PPIH: variants seen among roughly 807,000 people sequenced by gnomAD.
PPIH encodes the protein peptidyl-prolyl cis-trans isomerase H.
A neutral mutation model predicts 27.6 loss-of-function variants in PPIH; 16 were observed. The observed-to-expected ratio is 0.58, with a 90% CI of 0.39 to 0.88. The LOEUF (loss-of-function observed/expected upper bound fraction) is 0.88. Among genes scored for constraint, PPIH ranks in the 40% least tolerant of loss-of-function variants. PPIH has a pLI of 0.00. For synonymous variants in PPIH, 63 were observed against 76.1 expected, an observed-to-expected ratio of 0.83 and a Z score of 0.90; for missense variants, 155 against 224.1, an observed-to-expected ratio of 0.69 and a Z score of 1.97.
chr1:42,663,554 C>T (rs762021658), intron 5 of PPIH, among the ~76,000 whole-genome samples: 1 of 152,058 alleles, frequency 6.6e-6, no homozygotes, highest in African/African-American at 2.4e-5. Context: ...GTACCACCAC[C>T]ACACGTGGCT....
chr1:42,663,549 A>T (rs1480672601), intron 5 of PPIH, among the ~76,000 whole-genome samples: 1 of 152,012 alleles, frequency 6.6e-6, no homozygotes, highest in East Asian at 1.9e-4. Context: ...TACAGGTACC[A>T]CCACCACACG....
At position 42,660,988 on chromosome 1, in the gene PPIH, C is replaced by T. The variant is rs564933700; in HGVS notation, c.243+84C>T. The T allele has an allele frequency of 4.2e-4, 528 of 1,264,088 alleles. 8 individuals are homozygous for T. In the South Asian group the frequency reaches 6.1e-3, roughly 15 times the overall value. The allele number at this position is 1,264,088 out of a possible 1,614,324, so 78.3% of individuals were successfully genotyped here. A position where few individuals can be genotyped will look rare whatever the true frequency, so the allele number is the denominator to read the frequency against. On this transcript the variant is annotated intron_variant, in intron 5 of 9. Coordinates refer to ENST00000304979, the MANE Select transcript of PPIH (RefSeq NM_006347.4). Reference sequence around the variant, plus strand: ...GCAATTGCTGTTTTTACTACAGAGACCCAGTCTTCAGGCTTGAGAACAATA... The same window carrying T: ...GCAATTGCTGTTTTTACTACAGAGATCCAGTCTTCAGGCTTGAGAACAATA...
chr1:42,666,154 A>G (rs1044151716), intron 7 of PPIH, 87 bp downstream of exon 7: 1 of 1,302,806 alleles, frequency 7.7e-7, no homozygotes, highest in African/African-American at 1.5e-5. Flanking sequence ...TCTTACCAAG[A>G]AAGCTCAACC....
At chr1:42,675,711 T>G (rs1437291075) in intron 9 of PPIH, among the ~76,000 whole-genome samples, 1 of 152,208 alleles carries the variant, frequency 6.6e-6, no homozygotes, top group Non-Finnish European at 1.5e-5. Context: ...AGTATCTGGG[T>G]GTACTTACTC....
rs566560103 is a variant in PPIH, at chr1:42,676,750, G to C, written c.*188G>C. On this transcript the variant is annotated 3_prime_UTR_variant, in exon 10 of 10. Coordinates refer to ENST00000304979, the MANE Select transcript of PPIH (RefSeq NM_006347.4). ...TTTCAACTGTAAATAAAGTTTTTTT[G>C]TATGCGTATGTTTTTTTTTTCTTTT... The C allele has an allele frequency of 6.6e-6, 1 of 151,694 alleles. No homozygotes were observed. The highest frequency in any genetic ancestry group is 2.4e-5 in the African/African-American group (1 of 41,278). 9.4% of individuals were successfully genotyped at this position (151,694 alleles called of 1,614,324 possible). A position where few individuals can be genotyped will look rare whatever the true frequency, so the allele number is the denominator to read the frequency against.
chr1:42,670,667 G>T (rs1649580583), intron 9 of PPIH, among the ~76,000 whole-genome samples: 1 of 152,054 alleles, frequency 6.6e-6, no homozygotes, highest in African/African-American at 2.4e-5. Context: ...CTGTCCATAG[G>T]CTGTGATGAT....
downstream of PPIH, among the ~76,000 whole-genome samples, chr1:42,677,657 AAAC>A (rs1649929964): frequency 1.3e-5 from 2 of 152,152 alleles, no homozygotes; most frequent in Admixed American, 6.5e-5. Context: ...CACAACAAAC[AAAC>A]AACAGCAACA....
intron 1 of PPIH, 25 bp downstream of exon 1, chr1:42,658,537 C>T: frequency 6.2e-7 from 1 of 1,606,820 alleles, no homozygotes; most frequent in Non-Finnish European, 8.5e-7. Flanking sequence ...GCTGCCCACA[C>T]CTGCGCCGAA....
chr1:42,673,544 A>T (rs1391947863), intron 9 of PPIH, among the ~76,000 whole-genome samples: 1 of 152,222 alleles, frequency 6.6e-6, no homozygotes, highest in East Asian at 1.9e-4. Context: ...TAGATTCTCC[A>T]ACAGGTAATA....
In PPIH at chr1:42,659,270, T is replaced by C. The variant is rs1263073189; in HGVS notation, c.155+19T>C. ...AATTCAGGTCAGTTTCAGATGTGTTTGACTTCTTTGCCTGCTCCAGAGGGG... is the reference window on the plus strand; with the variant it reads ...AATTCAGGTCAGTTTCAGATGTGTTCGACTTCTTTGCCTGCTCCAGAGGGG... On this transcript the variant is annotated intron_variant, in intron 3 of 9. Coordinates refer to ENST00000304979, the MANE Select transcript of PPIH (RefSeq NM_006347.4). The C allele has an allele frequency of 3.7e-6, 6 of 1,614,102 alleles. No individual in the cohort carries two copies. The Admixed American group carries it at 5.0e-5, about 13-fold the overall frequency.
intron 6 of PPIH, among the ~76,000 whole-genome samples, chr1:42,665,607 G>A (rs1432282533): frequency 3.3e-5 from 5 of 151,986 alleles, no homozygotes; most frequent in African/African-American, 7.3e-5. Flanking sequence ...TGGGGAGGCC[G>A]AAGCAAGAGG....
At chr1:42,659,693 C>A in intron 4 of PPIH, 127 bp downstream of exon 4, 1 of 1,389,860 alleles carries the variant, frequency 7.2e-7, no homozygotes, top group Non-Finnish European at 9.5e-7. Flanking sequence ...TTTGTGGACT[C>A]AACAACTGAA....
downstream of PPIH, among the ~76,000 whole-genome samples, chr1:42,678,372 C>T (rs936854577): frequency 1.3e-5 from 2 of 152,060 alleles, no homozygotes; most frequent in South Asian, 2.1e-4. Flanking sequence ...AATGTGAGCC[C>T]GTGTGAGGGC....
downstream of PPIH, chr1:42,681,531 T>C (rs1329099924): frequency 1.3e-5 from 2 of 152,214 alleles, no homozygotes; most frequent in African/African-American, 2.4e-5. Flanking sequence ...TAACATCAGG[T>C]GGCAGCCTCA....
chr1:42,664,785 A>C, intron 5 of PPIH, 78 bp from the exon 6 acceptor site: 3 of 1,094,490 alleles, frequency 2.7e-6, no homozygotes, highest in Non-Finnish European at 4.1e-6. Flanking sequence ...GTCATGCTTT[A>C]GGTGCGACAG....
intron 5 of PPIH, among the ~76,000 whole-genome samples, chr1:42,662,136 G>A (rs1010454432): frequency 2.0e-5 from 3 of 152,060 alleles, no homozygotes; most frequent in African/African-American, 7.2e-5. Context: ...TTTCCCCTAG[G>A]CTTCCCTGTT....
rs758423260 is a variant in PPIH, at chr1:42,658,856, A to G, written c.79A>G (p.Met27Val). ...CCGCTGATTGCAGGAAGTTGGCCGC[A>G]TGAAGATCGAGCTCTTTGCAGACGT... The part of the protein sequence containing the change: ...VSIGGQEVGR[M>V]KIELFADVVP... The change falls in exon 2 of 10, where the codon ATG becomes GTG. Residue 27 changes from methionine (M) to valine (V), a missense_variant. Physicochemically the swap from Met to Val is conservative, Grantham distance 21. This residue lies in a region of PPIH where 59 missense variants were observed against 48.8 expected (regional missense o/e 1.21). Coordinates refer to ENST00000304979, the MANE Select transcript of PPIH (RefSeq NM_006347.4). 6.2e-7 allele frequency: 1 copy of G among 1,614,150 alleles called. No individual in the cohort carries two copies.
chr1:42,662,855 A>T (rs531323663), intron 5 of PPIH, among the ~76,000 whole-genome samples: 99 of 152,312 alleles, frequency 6.5e-4, no homozygotes, highest in African/African-American at 1.9e-3. Flanking sequence ...TTTTTAACAG[A>T]CTTAAAATAA....
chr1:42,659,085 T>C (rs1648846571), intron 2 of PPIH, 143 bp from the exon 3 acceptor site: 1 of 1,398,558 alleles, frequency 7.2e-7, no homozygotes, highest in Non-Finnish European at 1.0e-6. Context: ...TTTACGTTGT[T>C]AGTCTGTGTG....
Sources: allele counts gnomAD v4.1 joint callset (sites outside exome capture counted in the v4.1 genomes callset), GRCh38; gene constraint gnomAD v4.1.1; regional missense constraint gnomAD v4.1.1; transcripts MANE v1.5; gene names NCBI Gene and HGNC (gene_info 2026-07-23, HGNC 2026-07-21).